The following ABCF1 variants were observed in gnomAD, a reference collection of about 807,000 sequenced individuals.
The protein encoded by ABCF1 is ATP binding cassette subfamily F member 1.
ABCF1 carries 73 observed loss-of-function variants against 126.3 expected under a neutral mutation model. That is an observed-to-expected ratio of 0.58 (90% CI 0.48 to 0.70). ABCF1 has a LOEUF of 0.70. Among genes scored for constraint, ABCF1 ranks in the 30% least tolerant of loss-of-function variants. The pLI, the probability that ABCF1 is intolerant of heterozygous loss-of-function variation, is 0.00. For missense variants in ABCF1, 786 were observed against 1,057.5 expected, an observed-to-expected ratio of 0.74 and a Z score of 3.56; for synonymous variants, 345 against 396.4, an observed-to-expected ratio of 0.87 and a Z score of 1.54.
At chr6:30,589,520 G>A (rs1025166727) in intron 20 of ABCF1, 168 bp from the exon 21 acceptor site, 27 of 721,708 alleles carry the variant, frequency 3.7e-5, no homozygotes, top group Middle Eastern at 4.0e-4. Context: ...GGAGAATGGC[G>A]TGAACCCGGA....
rs960364536 is a variant in ABCF1, at chr6:30,586,909, G to A, written c.2031+198G>A. On this transcript the variant is annotated intron_variant, in intron 20 of 24. Coordinates refer to ENST00000326195, the MANE Select transcript of ABCF1 (RefSeq NM_001025091.2). The surrounding 1 kb of genome is among the most constrained non-coding windows in gnomAD (Gnocchi z 4.9). ...CAGGGGGGAGAGCTAAGAGAATTAA[G>A]ATAGAACTAGGGGGCACACCCACGT... is the stretch of plus-strand genomic sequence containing the variant. Among the ~76,000 whole-genome samples, 3 of 152,274 alleles carry A rather than the reference G, an allele frequency of 2.0e-5. No individual in the cohort carries two copies. Among genetic ancestry groups the A allele is most frequent in the Admixed American group, 2.0e-4 (3 of 15,292 alleles).
At chr6:30,571,963 C>G (rs1307197924) in intron 1 of ABCF1, among the ~76,000 whole-genome samples, 2 of 151,594 alleles carry the variant, frequency 1.3e-5, no homozygotes, top group East Asian at 3.8e-4. Context: ...AGCCTGTGAT[C>G]CCCCTTGTTT....
chr6:30,578,276 C>A, intron 4 of ABCF1, 72 bp from the exon 5 acceptor site: 2 of 1,613,636 alleles, frequency 1.2e-6, no homozygotes, highest in Non-Finnish European at 1.7e-6. Flanking sequence ...CCCTGATCTT[C>A]AAGTTGGATT....
intron 14 of ABCF1, 78 bp from the exon 15 acceptor site, chr6:30,585,182 A>G (rs1802044349): frequency 2.3e-6 from 3 of 1,279,048 alleles, no homozygotes; most frequent in African/African-American, 1.5e-5. Flanking sequence ...CTCAGGCTCT[A>G]TCTCCGAGTT....
At chr6:30,573,907 G>A (rs6927597) in intron 1 of ABCF1, among the ~76,000 whole-genome samples, 3,975 of 152,246 alleles carry the variant, frequency 0.026, 144 homozygotes, top group African/African-American at 0.08. Context: ...ACAAGAATAC[G>A]AAACAGTAAT....
chr6:30,577,051 C>T (rs1484427139), intron 1 of ABCF1, among the ~76,000 whole-genome samples: 1 of 152,216 alleles, frequency 6.6e-6, no homozygotes, highest in Non-Finnish European at 1.5e-5. Flanking sequence ...ACCAAGTAGG[C>T]TTTACCTTTT....
intron 8 of ABCF1, 42 bp downstream of exon 8, chr6:30,580,561 G>A (rs1801765811): frequency 8.2e-7 from 1 of 1,219,202 alleles, no homozygotes; most frequent in Non-Finnish European, 1.1e-6. Context: ...GAGGGACTAG[G>A]GCTTCCAGGG....
chr6:30,577,990 A>G, intron 3 of ABCF1, 77 bp downstream of exon 3: 1 of 1,613,540 alleles, frequency 6.2e-7, no homozygotes, highest in Admixed American at 1.7e-5. Flanking sequence ...ATGTTGCTCC[A>G]TTCAGCTGAT....
intron 1 of ABCF1, among the ~76,000 whole-genome samples, chr6:30,575,742 ACT>A (rs1190498789): frequency 2.0e-5 from 3 of 151,742 alleles, no homozygotes; most frequent in Admixed American, 6.6e-5. Flanking sequence ...TTACCAGATA[ACT>A]CTATTTACAT....
At position 30,586,646 on chromosome 6, in the gene ABCF1, A is replaced by G. The variant is rs772342557; in HGVS notation, c.1966A>G (p.Ile656Val). Residue 656 changes from isoleucine (I) to valine (V), a missense_variant, in exon 20 of 25, where the codon ATT (isoleucine) becomes GTT (valine). Physicochemically the swap from Ile to Val is conservative, Grantham distance 29 (BLOSUM62 3). This residue lies in a region of ABCF1 where 288 missense variants were observed against 423.5 expected (regional missense o/e 0.68). Coordinates refer to ENST00000326195, the MANE Select transcript of ABCF1 (RefSeq NM_001025091.2). The surrounding 1 kb of genome is among the most constrained non-coding windows in gnomAD (Gnocchi z 4.9). ...FGIDMDSRICIVGPNGVGKST... is the reference protein window; with the variant it reads ...FGIDMDSRICVVGPNGVGKST... ...ACCTGTCTTCCATCTTGCAGTTTGC[A>G]TTGTGGGCCCTAATGGTGTGGGGAA... The G allele has an allele frequency of 2.5e-6, 4 of 1,613,658 alleles. No homozygotes were observed. The highest frequency in any genetic ancestry group is 4.5e-5 in the East Asian group (2 of 44,866).
chr6:30,589,783 C>T (rs767817623), intron 21 of ABCF1, 23 bp from the exon 22 acceptor site: 14 of 1,613,976 alleles, frequency 8.7e-6, no homozygotes, highest in African/African-American at 4.0e-5. Context: ...TTTAACCGAC[C>T]ACCTCCCTCT....
chr6:30,583,079 GC>G lies in ABCF1; in HGVS notation c.808del (p.Gln270LysfsTer5), dbSNP rs1801910742. ...CTACCTTCTCAGATGGAGTATGAGC[GC>G]CAAGTGGCTTCATTAAAAGCAGCCA... The part of the protein sequence containing the change: ...KKLKKQMEYE[R>X]QVASLKAANA... On this transcript the variant is annotated frameshift_variant, in exon 10 of 25. Coordinates refer to ENST00000326195, the MANE Select transcript of ABCF1 (RefSeq NM_001025091.2). LOFTEE classifies it high-confidence loss of function. The surrounding 1 kb of genome is among the most constrained non-coding windows in gnomAD (Gnocchi z 4.1). The G allele has an allele frequency of 2.5e-6, 4 of 1,609,482 alleles. No homozygotes were observed. Among genetic ancestry groups the G allele is most frequent in the Non-Finnish European group, 3.4e-6 (4 of 1,177,000 alleles).
intron 2 of ABCF1, 23 bp downstream of exon 2, chr6:30,577,478 T>C (rs752024168): frequency 6.2e-7 from 1 of 1,604,770 alleles, no homozygotes; most frequent in Non-Finnish European, 8.5e-7. Context: ...GGGTTGAGGA[T>C]AAGAAATGAC....
chr6:30,585,834 G>T, intron 16 of ABCF1, 45 bp from the exon 17 acceptor site: 1 of 1,563,964 alleles, frequency 6.4e-7, no homozygotes, highest in Non-Finnish European at 8.7e-7. Context: ...CCCTTTGCTG[G>T]GAAGAGGAGC....
intron 8 of ABCF1, among the ~76,000 whole-genome samples, chr6:30,581,953 T>C (rs1018649746): frequency 6.6e-6 from 1 of 151,970 alleles, no homozygotes. Context: ...TGAGAGAGGA[T>C]CCCAAGATAT....
At chr6:30,582,609 C>A in intron 9 of ABCF1, 102 bp downstream of exon 9, 3 of 1,158,136 alleles carry the variant, frequency 2.6e-6, no homozygotes, top group Non-Finnish European at 3.8e-6. Context: ...GGGGCTACTC[C>A]AAGTAAAACA....
Position 30,578,165 on chromosome 6 carries a change from G to A in ABCF1, c.306G>A (p.Lys102=). The part of the protein sequence containing the change: ...GEEKELMERL[K]KLSVPTSDEE... ...AGAAAGAGCTCATGGAGCGTCTTAA[G>A]AAGCTCTCAGTGCCAACCAGTGATG... Residue 102 remains lysine (K), a synonymous_variant, in exon 4 of 25, where the codon AAG becomes AAA. Transcript: ENST00000326195. 1 of 1,614,120 alleles carries A rather than the reference G, an allele frequency of 6.2e-7. No homozygotes were observed. Among genetic ancestry groups the A allele is most frequent in the Non-Finnish European group, 8.5e-7 (1 of 1,180,018 alleles).
chr6:30,589,563 A>G (rs1438212495), intron 20 of ABCF1, 125 bp from the exon 21 acceptor site: 25 of 1,114,914 alleles, frequency 2.2e-5, no homozygotes, highest in Non-Finnish European at 3.2e-5. Flanking sequence ...AGATCGCGCC[A>G]CTGCACTCCA....
Position 30,585,999 on chromosome 6 carries a change from C to T in ABCF1, c.1713+8C>T. ...AAGTCCACCAAGCAGGCGGTGAGCA[C>T]CTGAGGGACTTCTGGGCTGGGGGCC... On this transcript the variant is annotated splice_region_variant and intron_variant, in intron 17 of 24. Coordinates refer to ENST00000326195, the MANE Select transcript of ABCF1 (RefSeq NM_001025091.2). 2 of 1,605,372 alleles carry T rather than the reference C, an allele frequency of 1.2e-6. No individual in the cohort carries two copies. The highest frequency in any genetic ancestry group is 1.3e-5 in the African/African-American group (1 of 74,812).
Sources: allele counts gnomAD v4.1 joint callset (sites outside exome capture counted in the v4.1 genomes callset), GRCh38; gene constraint gnomAD v4.1.1; regional missense constraint gnomAD v4.1.1; non-coding constraint Gnocchi (gnomAD v3.1); transcripts MANE v1.5; gene names NCBI Gene and HGNC (gene_info 2026-07-23, HGNC 2026-07-21).